IL1RAPL1: variants seen among roughly 807,000 people sequenced by gnomAD.
IL1RAPL1 encodes the protein interleukin 1 receptor accessory protein like 1.
A neutral mutation model predicts 48.4 loss-of-function variants in IL1RAPL1; 3 were observed. The ratio of observed to expected loss-of-function variants is 0.06; its 90% confidence interval spans 0.03 to 0.16. The LOEUF (loss-of-function observed/expected upper bound fraction) is 0.16, where lower values mean the gene tolerates loss of function less well. IL1RAPL1 is among the 10% of genes least tolerant of loss of function. IL1RAPL1 has a pLI of 1.00. For missense variants in IL1RAPL1, 349 were observed against 530.6 expected (o/e 0.66, Z 3.36); for synonymous variants, 185 against 187.7 (o/e 0.99, Z 0.12).
At chrX:29,139,077 A>T (rs143053652) in intron 2 of IL1RAPL1, among the ~76,000 whole-genome samples, 1,221 of 111,720 alleles carry the variant, frequency 0.011, 16 homozygotes, top group African/African-American at 0.037. Flanking sequence ...CTGGTTGCCC[A>T]TCTCTTGCAA....
chrX:29,630,049 A>AAAC (rs1466175215), intron 5 of IL1RAPL1, among the ~76,000 whole-genome samples: 1 of 112,181 alleles, frequency 8.9e-6, no homozygotes, highest in Non-Finnish European at 1.9e-5. Context: ...GATAACCTGT[A>AAAC]AACAACAGAA....
At chrX:29,592,069 A>G (rs1468446681) in intron 5 of IL1RAPL1, among the ~76,000 whole-genome samples, 2 of 111,882 alleles carry the variant, frequency 1.8e-5, no homozygotes, top group Non-Finnish European at 1.9e-5. Context: ...ATTTTCTACA[A>G]TGCTTCAGGT....
intron 5 of IL1RAPL1, among the ~76,000 whole-genome samples, chrX:29,485,181 C>T (rs1040071358): frequency 3.6e-5 from 4 of 111,739 alleles, no homozygotes; most frequent in Non-Finnish European, 7.5e-5. Flanking sequence ...AAATGAGCTG[C>T]AGAAGTATTT....
intron 6 of IL1RAPL1, among the ~76,000 whole-genome samples, chrX:29,841,456 G>A (rs1367614901): frequency 9.0e-6 from 1 of 111,036 alleles, no homozygotes; most frequent in Non-Finnish European, 1.9e-5. Context: ...CATGTAAAAA[G>A]GCCAAAATTC....
chrX:29,335,732 G>A (rs1193415805), intron 3 of IL1RAPL1, among the ~76,000 whole-genome samples: 1 of 111,510 alleles, frequency 9.0e-6, no homozygotes, highest in Non-Finnish European at 1.9e-5. Flanking sequence ...GACTTGACCT[G>A]AGGCCTTTGA....
At chrX:29,577,952 A>C (rs1387370705) in intron 5 of IL1RAPL1, among the ~76,000 whole-genome samples, 1 of 108,633 alleles carries the variant, frequency 9.2e-6, no homozygotes, top group Non-Finnish European at 1.9e-5. Flanking sequence ...CTTTAAAAAA[A>C]TCCTTGTGTC....
At chrX:28,970,753 G>A (rs963015112) in intron 2 of IL1RAPL1, among the ~76,000 whole-genome samples, 10 of 111,116 alleles carry the variant, frequency 9.0e-5, no homozygotes, top group South Asian at 3.8e-4. Flanking sequence ...AGCAGAGTTC[G>A]GCCTGGTTAG....
intron 5 of IL1RAPL1, among the ~76,000 whole-genome samples, chrX:29,456,460 AC>A (rs750388358): frequency 2.4e-4 from 27 of 111,951 alleles, no homozygotes; most frequent in Admixed American, 4.8e-4. Context: ...AACGTTGTTT[AC>A]TTGGAAGTGT....
At chrX:29,501,298 G>C (rs930861127) in intron 5 of IL1RAPL1, among the ~76,000 whole-genome samples, 1 of 110,993 alleles carries the variant, frequency 9.0e-6, no homozygotes, top group Non-Finnish European at 1.9e-5. Context: ...CTTTTTAGGC[G>C]GAGGTAATCC....
At chrX:28,760,410 A>C (rs1936155561) in intron 1 of IL1RAPL1, among the ~76,000 whole-genome samples, 1 of 111,841 alleles carries the variant, frequency 8.9e-6, no homozygotes, top group Non-Finnish European at 1.9e-5. Context: ...TCAACCAAAC[A>C]AATGTCTTAG....
intron 1 of IL1RAPL1, among the ~76,000 whole-genome samples, chrX:28,702,699 TA>T (rs1454735768): frequency 8.9e-6 from 1 of 111,785 alleles, no homozygotes; most frequent in African/African-American, 3.2e-5. Context: ...AGCAAGTCTT[TA>T]AAAAAATATT....
intron 2 of IL1RAPL1, among the ~76,000 whole-genome samples, chrX:28,992,865 C>A (rs771196749): frequency 1.1e-4 from 12 of 112,040 alleles, no homozygotes; most frequent in African/African-American, 3.9e-4. Context: ...AAAGAGCCAA[C>A]CATGCTAACA....
intron 2 of IL1RAPL1, among the ~76,000 whole-genome samples, chrX:29,084,158 T>C (rs1602049225): frequency 2.7e-5 from 3 of 111,864 alleles, no homozygotes; most frequent in Non-Finnish European, 3.8e-5. Flanking sequence ...ACTACACATT[T>C]CATTACCGAC....
chrX:29,201,305 C>A (rs1251032113), intron 2 of IL1RAPL1, among the ~76,000 whole-genome samples: 1 of 110,473 alleles, frequency 9.1e-6, no homozygotes, highest in East Asian at 2.8e-4. Context: ...TTTTTCATTG[C>A]CTATTTTGAA....
chrX:28,979,398 C>T (rs765743108), intron 2 of IL1RAPL1, among the ~76,000 whole-genome samples: 2 of 111,777 alleles, frequency 1.8e-5, no homozygotes, highest in African/African-American at 3.3e-5. Context: ...CTTTTTGCCC[C>T]GTTTTATTCT....
At chrX:29,058,814 C>G (rs943016612) in intron 2 of IL1RAPL1, among the ~76,000 whole-genome samples, 3 of 111,887 alleles carry the variant, frequency 2.7e-5, no homozygotes, top group Non-Finnish European at 3.8e-5. Context: ...CTAAGTGGAA[C>G]GTGACTCTCT....
intron 2 of IL1RAPL1, among the ~76,000 whole-genome samples, chrX:28,980,112 C>A (rs1925294854): frequency 8.9e-6 from 1 of 112,348 alleles, no homozygotes; most frequent in African/African-American, 3.2e-5. Context: ...ACCAAACATG[C>A]AAATCATCTT....
intron 5 of IL1RAPL1, among the ~76,000 whole-genome samples, chrX:29,453,833 T>C (rs1934708227): frequency 8.9e-6 from 1 of 112,415 alleles, no homozygotes; most frequent in Non-Finnish European, 1.9e-5. Context: ...ATCTCCCATA[T>C]TTCAACTATA....
chrX:29,483,939 C>T (rs1163881100), intron 5 of IL1RAPL1, among the ~76,000 whole-genome samples: 6 of 108,172 alleles, frequency 5.5e-5, no homozygotes, highest in Admixed American at 2.0e-4. Flanking sequence ...GCAATCCACC[C>T]GCTTTGGCTT....
Sources: gnomAD v4.1 joint callset for allele counts (sites outside exome capture counted in the v4.1 genomes callset) on GRCh38, gnomAD v4.1.1 for gene constraint, MANE v1.5 for transcripts, NCBI Gene and HGNC (gene_info 2026-07-23, HGNC 2026-07-21) for gene names.